Variants in WNT8B observed in about 807,000 individuals in gnomAD.
WNT8B encodes Wnt family member 8B.
In WNT8B, 24 loss-of-function variants were observed where a neutral mutation model predicts 36.6. The observed-to-expected ratio is 0.66, with a 90% CI of 0.48 to 0.92. The LOEUF is 0.92. Among genes scored for constraint, WNT8B ranks in the 40% least tolerant of loss-of-function variants. WNT8B has a pLI of 0.00. For synonymous variants in WNT8B, 199 were observed against 189.8 expected (o/e 1.05, Z -0.40); for missense variants, 402 against 470.8 (o/e 0.85, Z 1.35).
intron 1 of WNT8B, among the ~76,000 whole-genome samples, chr10:100,474,689 T>C (rs112347362): frequency 6.6e-6 from 1 of 152,084 alleles, no homozygotes; most frequent in South Asian, 2.1e-4. Flanking sequence ...CTCAGCCTCC[T>C]GAGTAGCTGG....
At chr10:100,478,435 A>G (rs142076877) in intron 1 of WNT8B, among the ~76,000 whole-genome samples, 1 of 152,308 alleles carries the variant, frequency 6.6e-6, no homozygotes, top group African/African-American at 2.4e-5. Context: ...AGTTAATGCT[A>G]GTTCTCTCCC....
chr10:100,481,785 G>A (rs2133659338), intron 4 of WNT8B, 127 bp from the exon 5 acceptor site: 2 of 1,324,806 alleles, frequency 1.5e-6, no homozygotes, highest in Non-Finnish European at 2.0e-6. Context: ...CTGGATACAG[G>A]GCACTCGCCC....
intron 1 of WNT8B, among the ~76,000 whole-genome samples, chr10:100,477,969 C>T (rs111469421): frequency 9.1e-5 from 13 of 142,634 alleles, no homozygotes; most frequent in African/African-American, 1.7e-4. Flanking sequence ...TTAGTAGAGA[C>T]GGGGTTTTGC....
Position 100,481,084 on chromosome 10 carries a change from G to A in WNT8B, c.328G>A (p.Asp110Asn). 1.9e-6 allele frequency: 3 copies of A among 1,614,116 alleles called. No homozygotes were observed. Among genetic ancestry groups the A allele is most frequent in the Non-Finnish European group, 2.5e-6 (3 of 1,180,010 alleles). The change falls in exon 4 of 6, where the codon GAT becomes AAT. Residue 110 changes from aspartate (D) to asparagine (N), a missense_variant. By Grantham distance (23) the Asp-to-Asn change is conservative. Around this residue, in one of 3 missense-constraint regions of WNT8B, gnomAD observed 131 missense variants for 152.6 expected, o/e 0.86. Coordinates refer to ENST00000343737, the MANE Select transcript of WNT8B (RefSeq NM_003393.4). ...TAGAAACTGCAGCCTTGGAGATTTTGATAACTGTGGCTGTGATGACTCCCG... is the reference window on the plus strand; with the variant it reads ...TAGAAACTGCAGCCTTGGAGATTTTAATAACTGTGGCTGTGATGACTCCCG... Reference protein sequence around the residue: ...LTRNCSLGDFDNCGCDDSRNG... With the variant: ...LTRNCSLGDFNNCGCDDSRNG...
At chr10:100,480,518 G>A (rs1404713766) in intron 3 of WNT8B, among the ~76,000 whole-genome samples, 1 of 152,176 alleles carries the variant, frequency 6.6e-6, no homozygotes, top group African/African-American at 2.4e-5. Context: ...AGGAGGAAGT[G>A]GGGATGGGTT....
intron 1 of WNT8B, among the ~76,000 whole-genome samples, chr10:100,476,349 G>T (rs1851038211): frequency 6.6e-6 from 1 of 151,786 alleles, no homozygotes; most frequent in African/African-American, 2.4e-5. Context: ...TAGTATTTTT[G>T]ATTTTCTAAA....
chr10:100,464,521 G>A (rs942471121), intron 1 of WNT8B, among the ~76,000 whole-genome samples: 5 of 152,118 alleles, frequency 3.3e-5, no homozygotes, highest in African/African-American at 7.2e-5. Context: ...TCACCAGGGC[G>A]GTGTGAAGAA....
At chr10:100,475,788 C>A (rs1164250501) in intron 1 of WNT8B, among the ~76,000 whole-genome samples, 3 of 152,156 alleles carry the variant, frequency 2.0e-5, no homozygotes, top group Non-Finnish European at 2.9e-5. Flanking sequence ...CAAGCTCAGG[C>A]CCCTTTCCCC....
At chr10:100,471,671 T>G (rs767168515) in intron 1 of WNT8B, among the ~76,000 whole-genome samples, 1 of 152,198 alleles carries the variant, frequency 6.6e-6, no homozygotes, top group Admixed American at 6.5e-5. Context: ...GTAGAGTGCA[T>G]GCTCTAGAGT....
rs1252458337 is a variant in WNT8B, at chr10:100,483,605, T to C, written c.*789T>C. The C allele has an allele frequency of 6.6e-6, 1 of 152,228 alleles. No homozygotes were observed. The highest frequency in any genetic ancestry group is 1.5e-5 in the Non-Finnish European group (1 of 68,044). The allele number at this position is 152,228 out of a possible 1,614,324, so 9.4% of individuals were successfully genotyped here. A position where few individuals can be genotyped will look rare whatever the true frequency, so the allele number is the denominator to read the frequency against. ...ACAGTCATTTCCTACCCTTTAAAGGTAACTTCTCCCTTCTCCTGACCTACT... is the reference window on the plus strand; with the variant it reads ...ACAGTCATTTCCTACCCTTTAAAGGCAACTTCTCCCTTCTCCTGACCTACT... On this transcript the variant is annotated 3_prime_UTR_variant, in exon 6 of 6. Transcript: ENST00000343737.
In WNT8B at chr10:100,481,943, T is replaced by C. The variant is rs369699807; in HGVS notation, c.399T>C (p.Ser133=). The C allele has an allele frequency of 2.5e-6, 4 of 1,613,760 alleles. No homozygotes were observed. The African/African-American group carries it at 5.3e-5, about 22-fold the overall frequency. The part of the protein sequence containing the change: ...GGQGWLWGGC[S]DNVGFGEAIS... ...AAGGCTGGCTGTGGGGAGGCTGCAG[T>C]GACAATGTGGGCTTCGGAGAGGCGA... The change falls in exon 5 of 6, where the codon AGT becomes AGC. Residue 133 remains serine (S), a synonymous_variant. Transcript: ENST00000343737.
intron 1 of WNT8B, among the ~76,000 whole-genome samples, chr10:100,465,121 C>T (rs1850895438): frequency 6.6e-6 from 1 of 152,238 alleles, no homozygotes; most frequent in South Asian, 2.1e-4. Context: ...AAATTACTAT[C>T]TAAAAGAGTC....
rs970166727 is a variant in WNT8B, at chr10:100,482,684, C to G, written c.924C>G (p.Ser308Arg). The change falls in exon 6 of 6, where the codon AGC becomes AGG. Residue 308 changes from serine (S) to arginine (R), a missense_variant. This residue lies in a region of WNT8B where 256 missense variants were observed against 278.6 expected (regional missense o/e 0.92). Coordinates refer to ENST00000343737, the MANE Select transcript of WNT8B (RefSeq NM_003393.4). This position sits in a 1 kb window ranked among gnomAD's most constrained non-coding sequence, Gnocchi z 6.6. Reference sequence around the variant, plus strand: ...AGCGCCGGGCCGAGACCGTGTCCAGCTGCAACTGCAAGTTCCACTGGTGCT... The same window carrying G: ...AGCGCCGGGCCGAGACCGTGTCCAGGTGCAACTGCAAGTTCCACTGGTGCT... ...VEERRAETVS[S>R]CNCKFHWCCA... 6.2e-7 allele frequency: 1 copy of G among 1,610,074 alleles called. No homozygotes were observed. Among genetic ancestry groups the G allele is most frequent in the Non-Finnish European group, 8.5e-7 (1 of 1,179,268 alleles).
intron 3 of WNT8B, 50 bp from the exon 4 acceptor site, chr10:100,480,944 ATTTC>A (rs1270897552): frequency 1.9e-6 from 3 of 1,592,520 alleles, no homozygotes; most frequent in African/African-American, 2.7e-5. Flanking sequence ...CATGTCTGGT[ATTTC>A]TTTAAGCTGA....
In WNT8B at chr10:100,483,714, T is replaced by A. The variant is rs552526188; in HGVS notation, c.*898T>A. ...AAGACTGAGGTAAATAAAGCCACTTTCCTCTTCAGATCCTGGTCTGCACCT... is the reference window on the plus strand; with the variant it reads ...AAGACTGAGGTAAATAAAGCCACTTACCTCTTCAGATCCTGGTCTGCACCT... On this transcript the variant is annotated 3_prime_UTR_variant, in exon 6 of 6. Transcript: ENST00000343737. 1 of 152,206 alleles carries A rather than the reference T, an allele frequency of 6.6e-6. No individual in the cohort carries two copies. Among genetic ancestry groups the A allele is most frequent in the South Asian group, 2.1e-4 (1 of 4,826 alleles). 9.4% of individuals were successfully genotyped at this position (152,206 alleles called of 1,614,324 possible). A position where few individuals can be genotyped will look rare whatever the true frequency, so the allele number is the denominator to read the frequency against.
At chr10:100,476,028 A>G (rs1481511712) in intron 1 of WNT8B, among the ~76,000 whole-genome samples, 1 of 152,108 alleles carries the variant, frequency 6.6e-6, no homozygotes, top group Admixed American at 6.6e-5. Flanking sequence ...GCGGTGGCTC[A>G]CGCCTGTAAT....
rs1387708899 is a variant in WNT8B at position 100,482,850 on chromosome 10, T to C, written c.*34T>C. ...TCTGCCCCCTCCTTTTCCCACTGGT[T>C]CTTGGCTTCCTTTAGAGACCCCGGT... On this transcript the variant is annotated 3_prime_UTR_variant, in exon 6 of 6. Transcript: ENST00000343737. The surrounding 1 kb of genome is among the most constrained non-coding windows in gnomAD (Gnocchi z 6.6). The C allele has an allele frequency of 6.3e-5, 92 of 1,456,566 alleles. No homozygotes were observed. The highest frequency in any genetic ancestry group is 8.1e-5 in the Non-Finnish European group (89 of 1,102,554). 90.2% of individuals were successfully genotyped at this position (1,456,566 alleles called of 1,614,324 possible).
In WNT8B at chr10:100,481,085, A is replaced by T; in HGVS notation, c.329A>T (p.Asp110Val). The change falls in exon 4 of 6, where the codon GAT (aspartate) becomes GTT (valine). Residue 110 changes from aspartate to valine, a missense_variant. Asp to Val is a radical substitution (Grantham distance 152). Around this residue, in one of 3 missense-constraint regions of WNT8B, gnomAD observed 131 missense variants for 152.6 expected, o/e 0.86. Transcript: ENST00000343737. ...AGAAACTGCAGCCTTGGAGATTTTG[A>T]TAACTGTGGCTGTGATGACTCCCGC... The part of the protein sequence containing the change: ...LTRNCSLGDF[D>V]NCGCDDSRNG... 2 of 1,614,176 alleles carry T rather than the reference A, an allele frequency of 1.2e-6. No individual in the cohort carries two copies. Among genetic ancestry groups the T allele is most frequent in the Non-Finnish European group, 8.5e-7 (1 of 1,180,016 alleles).
rs531705064 is a variant in WNT8B, at chr10:100,477,785, T to TTTTTTTTTGG, written c.69-1259_69-1258insGGTTTTTTTT. ...CAAGTTCATTTTTAGTTTTTTTTTG[T>TTTTTTTTTGG]TTTTTTTTTGGGACAGAATATCACT... On this transcript the variant is annotated intron_variant, in intron 1 of 5. Transcript: ENST00000343737. Among the ~76,000 whole-genome samples, 1,178 of 146,410 alleles carry TTTTTTTTTGG rather than the reference T, an allele frequency of 8.0e-3. 24 individuals are homozygous for TTTTTTTTTGG. Among genetic ancestry groups the TTTTTTTTTGG allele is most frequent in the African/African-American group, 0.028 (1,115 of 40,000 alleles).
Sources: gnomAD v4.1 joint callset for allele counts (sites outside exome capture counted in the v4.1 genomes callset) on GRCh38, gnomAD v4.1.1 for gene constraint, gnomAD v4.1.1 regional missense constraint, Gnocchi (gnomAD v3.1) non-coding constraint, MANE v1.5 for transcripts, NCBI Gene and HGNC (gene_info 2026-07-23, HGNC 2026-07-21) for gene names.